Variants in GLG1 observed in about 807,000 individuals in gnomAD.
GLG1 encodes golgi glycoprotein 1.
Under a neutral mutation model 160.5 loss-of-function variants are expected in GLG1, and 38 were observed. That is an observed-to-expected ratio of 0.24 (90% CI 0.18 to 0.31). The LOEUF (loss-of-function observed/expected upper bound fraction) is 0.31, where lower values mean the gene tolerates loss of function less well. Ranked by LOEUF, GLG1 falls within the 10% of genes least tolerant of loss-of-function variation. The pLI, the probability that GLG1 is intolerant of heterozygous loss-of-function variation, is 1.00. For synonymous variants in GLG1, 644 were observed against 543.4 expected (o/e 1.19, Z -2.57); for missense variants, 1,373 against 1,505.2 (o/e 0.91, Z 1.45).
At chr16:74,567,160 T>G (rs1191497758) in intron 1 of GLG1, among the ~76,000 whole-genome samples, 1 of 150,024 alleles carries the variant, frequency 6.7e-6, no homozygotes, top group Non-Finnish European at 1.5e-5. Flanking sequence ...TACATGTAAT[T>G]GTGTGTGTGT....
At chr16:74,541,569 A>G (rs915730660) in intron 1 of GLG1, among the ~76,000 whole-genome samples, 1 of 152,194 alleles carries the variant, frequency 6.6e-6, no homozygotes, top group Non-Finnish European at 1.5e-5. Context: ...TGCTTTACCT[A>G]CCTCATGGGG....
intron 13 of GLG1, 86 bp downstream of exon 13, chr16:74,474,460 G>T: frequency 1.3e-6 from 1 of 763,980 alleles, no homozygotes; most frequent in Non-Finnish European, 2.4e-6. Flanking sequence ...TGCACTCTCA[G>T]GAGTCTAGAA....
In GLG1 at chr16:74,469,970, C is replaced by T. The variant is rs745767868; in HGVS notation, c.2318+15G>A. 1.3e-6 allele frequency: 2 copies of T among 1,488,488 alleles called. No homozygotes were observed. Among genetic ancestry groups the T allele is most frequent in the South Asian group, 1.1e-5 (1 of 88,660 alleles). 92.2% of individuals were successfully genotyped at this position (1,488,488 alleles called of 1,614,324 possible). ...ACTTCGGGAAAGTGGAATGAAACAA[C>T]TACAAGCTACATACTTCTTTTTTAT... is the stretch of plus-strand genomic sequence containing the variant. On this transcript the variant is annotated intron_variant, in intron 16 of 25. Coordinates refer to ENST00000422840, the MANE Select transcript of GLG1 (RefSeq NM_001145667.2).
intron 6 of GLG1, among the ~76,000 whole-genome samples, chr16:74,493,607 T>C (rs985606272): frequency 6.6e-5 from 10 of 152,284 alleles, no homozygotes; most frequent in Admixed American, 3.9e-4. Flanking sequence ...GTTCAAATGA[T>C]ACAAGAAAAA....
chr16:74,561,388 G>C (rs1157893162), intron 1 of GLG1, among the ~76,000 whole-genome samples: 1 of 152,144 alleles, frequency 6.6e-6, no homozygotes, highest in African/African-American at 2.4e-5. Context: ...AAATCCTAGA[G>C]CATTATGTCT....
Position 74,457,908 on chromosome 16 carries a change from G to C in GLG1, c.3231C>G (p.His1077Gln). ...LHTACALDIK[H>Q]HCAAITPGRG... The stretch of plus-strand genomic sequence containing the variant: ...GGCCAGGGGTGATGGCTGCGCAGTG[G>C]TGTTTAATGTCCAGGGCACAAGCAG... Residue 1077 changes from histidine (H) to glutamine (Q), a missense_variant, in exon 24 of 26, where the codon CAC becomes CAG. By Grantham distance (24) the His-to-Gln change is conservative. Around this residue, in one of 4 missense-constraint regions of GLG1, gnomAD observed 491 missense variants for 632.1 expected, o/e 0.78. Coordinates refer to ENST00000422840, the MANE Select transcript of GLG1 (RefSeq NM_001145667.2). 6.2e-7 allele frequency: 1 copy of C among 1,613,948 alleles called. No homozygotes were observed. The highest frequency in any genetic ancestry group is 8.5e-7 in the Non-Finnish European group (1 of 1,179,850).
At chr16:74,586,596 T>C (rs1958059181) in intron 1 of GLG1, among the ~76,000 whole-genome samples, 1 of 152,036 alleles carries the variant, frequency 6.6e-6, no homozygotes, top group Admixed American at 6.6e-5. Flanking sequence ...CACCTCAGCC[T>C]CCAGAGCAGC....
chr16:74,530,843 TTTTTTGCTG>T (rs1357723169), intron 2 of GLG1, among the ~76,000 whole-genome samples: 18 of 152,150 alleles, frequency 1.2e-4, no homozygotes, highest in Non-Finnish European at 2.2e-4. Flanking sequence ...AGTGCACTCA[TTTTTTGCTG>T]AATTTTTATG....
Position 74,491,687 on chromosome 16 carries a change from G to A in GLG1, c.1235-472C>T, listed in dbSNP as rs550293002. 5.9e-3 allele frequency among the ~76,000 whole-genome samples: 82 copies of A among 13,920 alleles called. 1 individual carries two copies. The highest frequency in any genetic ancestry group is 8.8e-3 in the African/African-American group (76 of 8,648). The allele number at this position is 13,920 out of a possible 152,430, so 9.1% of individuals were successfully genotyped here. A position where few individuals can be genotyped will look rare whatever the true frequency, so the allele number is the denominator to read the frequency against. On this transcript the variant is annotated intron_variant, in intron 7 of 25. Coordinates refer to ENST00000422840, the MANE Select transcript of GLG1 (RefSeq NM_001145667.2). ...GGAGTCTCACTGTGTCACCCAGGCT[G>A]GAGTGCAGCGCGCGATCTCGGCTCA...
chr16:74,472,682 T>G (rs1213927347), intron 13 of GLG1: 4 of 682,776 alleles, frequency 5.9e-6, no homozygotes, highest in Admixed American at 2.3e-5. Flanking sequence ...TAAAAACACA[T>G]GTAGCAATAA....
chr16:74,482,676 G>T (rs1429851001), intron 10 of GLG1, among the ~76,000 whole-genome samples: 1 of 152,124 alleles, frequency 6.6e-6, no homozygotes, highest in Non-Finnish European at 1.5e-5. Flanking sequence ...AAATACAACT[G>T]CACTATTATC....
chr16:74,482,093 G>C (rs1056023275), intron 10 of GLG1, among the ~76,000 whole-genome samples: 1 of 151,950 alleles, frequency 6.6e-6, no homozygotes, highest in Admixed American at 6.6e-5. Flanking sequence ...CGGTTCAAGT[G>C]AATCTCCTGC....
At chr16:74,589,929 T>G (rs1355664166) in intron 1 of GLG1, among the ~76,000 whole-genome samples, 1 of 152,110 alleles carries the variant, frequency 6.6e-6, no homozygotes, top group Non-Finnish European at 1.5e-5. Context: ...AGAGTGAGAT[T>G]CTGTTTCATA....
intron 2 of GLG1, among the ~76,000 whole-genome samples, chr16:74,518,672 G>A (rs1218965314): frequency 6.6e-6 from 1 of 152,122 alleles, no homozygotes; most frequent in Non-Finnish European, 1.5e-5. Flanking sequence ...AAAAGCAATG[G>A]CAACAAAAAC....
chr16:74,535,033 T>C (rs1322848352), intron 1 of GLG1, among the ~76,000 whole-genome samples: 3 of 152,144 alleles, frequency 2.0e-5, no homozygotes, highest in African/African-American at 7.2e-5. Context: ...CATGAGAACA[T>C]GGTAGTACAA....
At chr16:74,506,581 CAAAAAAAAAAA>C (rs56175030) in intron 3 of GLG1, among the ~76,000 whole-genome samples, 1 of 39,048 alleles carries the variant, frequency 2.6e-5, no homozygotes, top group Non-Finnish European at 4.2e-5. Context: ...GACTCCGTCT[CAAAAAAAAAAA>C]AAAAAAAAAA....
chr16:74,479,166 G>A (rs1235485213), intron 11 of GLG1, among the ~76,000 whole-genome samples: 1 of 143,216 alleles, frequency 7.0e-6, no homozygotes, highest in Non-Finnish European at 1.5e-5. Context: ...AGAGGTTGCA[G>A]TGAGCCAAGA....
At chr16:74,520,544 G>A (rs1450684420) in intron 2 of GLG1, among the ~76,000 whole-genome samples, 3 of 152,190 alleles carry the variant, frequency 2.0e-5, no homozygotes, top group South Asian at 2.1e-4. Flanking sequence ...GCTGAGGCAG[G>A]AGAATCGCTT....
At chr16:74,483,663 CTT>C (rs898114669) in intron 9 of GLG1, among the ~76,000 whole-genome samples, 12 of 144,592 alleles carry the variant, frequency 8.3e-5, no homozygotes, top group Non-Finnish European at 6.1e-5. Context: ...CTTTTCTTTT[CTT>C]TTTTTTTTTT....
Sources: gnomAD v4.1 joint callset for allele counts (sites outside exome capture counted in the v4.1 genomes callset) on GRCh38, gnomAD v4.1.1 for gene constraint, gnomAD v4.1.1 regional missense constraint, MANE v1.5 for transcripts, NCBI Gene and HGNC (gene_info 2026-07-23, HGNC 2026-07-21) for gene names.